NEXMIF: variants seen among roughly 807,000 people sequenced by gnomAD.
NEXMIF encodes the protein neurite extension and migration factor.
A neutral mutation model predicts 62.1 loss-of-function variants in NEXMIF; 8 were observed. The ratio of observed to expected loss-of-function variants is 0.13; its 90% confidence interval spans 0.08 to 0.23. NEXMIF has a LOEUF of 0.23. Ranked by LOEUF, NEXMIF falls within the 10% of genes least tolerant of loss-of-function variation. The pLI is 1.00. For missense variants in NEXMIF, 976 were observed against 1,113.3 expected (o/e 0.88, Z 1.75); for synonymous variants, 404 against 416.6 (o/e 0.97, Z 0.37).
At chrX:74,867,940 A>C (rs754223787) in intron 1 of NEXMIF, among the ~76,000 whole-genome samples, 2 of 112,214 alleles carry the variant, frequency 1.8e-5, no homozygotes, top group Non-Finnish European at 3.8e-5. Flanking sequence ...ATTTATAAGA[A>C]ACAGAAAATC....
intron 1 of NEXMIF, among the ~76,000 whole-genome samples, chrX:74,751,873 G>A (rs1164397119): frequency 2.2e-5 from 2 of 91,826 alleles, no homozygotes; most frequent in Non-Finnish European, 4.1e-5. Flanking sequence ...CCAGAGTCTC[G>A]CTCTATCCCC....
intron 1 of NEXMIF, among the ~76,000 whole-genome samples, chrX:74,815,055 T>C (rs1420205203): frequency 8.9e-6 from 1 of 112,527 alleles, no homozygotes; most frequent in African/African-American, 3.2e-5. Context: ...TTAATACATA[T>C]TCTTCATAAC....
chrX:74,791,684 C>G (rs1301116441), intron 1 of NEXMIF, among the ~76,000 whole-genome samples: 4 of 110,280 alleles, frequency 3.6e-5, no homozygotes, highest in Non-Finnish European at 5.7e-5. Flanking sequence ...AGAGATTCAA[C>G]TTCTTCCTGG....
At chrX:74,752,936 T>C (rs1384182872) in intron 1 of NEXMIF, among the ~76,000 whole-genome samples, 2 of 111,679 alleles carry the variant, frequency 1.8e-5, no homozygotes, top group Non-Finnish European at 3.8e-5. Context: ...ATGGGCAGTA[T>C]AATGGTATAT....
intron 1 of NEXMIF, among the ~76,000 whole-genome samples, chrX:74,878,024 G>A (rs1355915585): frequency 1.8e-5 from 2 of 112,141 alleles, no homozygotes; most frequent in Non-Finnish European, 3.8e-5. Flanking sequence ...TTATTCCATT[G>A]CTGGTGAGGA....
At chrX:74,852,237 T>C (rs934884468) in intron 1 of NEXMIF, among the ~76,000 whole-genome samples, 1 of 111,868 alleles carries the variant, frequency 8.9e-6, no homozygotes, top group African/African-American at 3.2e-5. Flanking sequence ...CAATATATAA[T>C]GATACAGAGA....
chrX:74,847,443 T>C (rs2080495891), intron 1 of NEXMIF, among the ~76,000 whole-genome samples: 1 of 112,137 alleles, frequency 8.9e-6, no homozygotes, highest in Admixed American at 9.5e-5. Context: ...CCAAATGACA[T>C]AGCTGCTCCA....
rs2080720039 is a variant in NEXMIF, at chrX:74,892,210, GA to G, written c.-48+32672del. 3.6e-5 allele frequency among the ~76,000 whole-genome samples: 4 copies of G among 112,169 alleles called. No homozygotes were observed. The South Asian group carries it at 1.1e-3, about 31-fold the overall frequency. ...ATTCTCAATTCAAAGCCTCAATGCA[GA>G]GGGACAAAAGCTAAACACAAGATGG... On this transcript the variant is annotated intron_variant, in intron 1 of 3. Coordinates refer to ENST00000055682, the MANE Select transcript of NEXMIF (RefSeq NM_001008537.3).
intron 1 of NEXMIF, among the ~76,000 whole-genome samples, chrX:74,811,310 A>G (rs1023256680): frequency 4.5e-5 from 5 of 111,579 alleles, no homozygotes; most frequent in Admixed American, 9.5e-5. Flanking sequence ...TCATCTCCAA[A>G]TATGACTTCC....
chrX:74,886,303 A>G (rs1251391269), intron 1 of NEXMIF, among the ~76,000 whole-genome samples: 2 of 111,742 alleles, frequency 1.8e-5, no homozygotes, highest in Non-Finnish European at 3.8e-5. Flanking sequence ...GGCTAGGGCA[A>G]TGAGGCAGGA....
chrX:74,809,948 T>A (rs2080355676), intron 1 of NEXMIF, among the ~76,000 whole-genome samples: 1 of 111,952 alleles, frequency 8.9e-6, no homozygotes, highest in South Asian at 3.7e-4. Context: ...AGGACCGTTA[T>A]TAGTACAACT....
At chrX:74,748,823 G>A (rs749949948) in intron 1 of NEXMIF, among the ~76,000 whole-genome samples, 1 of 111,582 alleles carries the variant, frequency 9.0e-6, no homozygotes, top group East Asian at 2.8e-4. Flanking sequence ...ACCAACATTT[G>A]TGTTGAGGAT....
intron 1 of NEXMIF, among the ~76,000 whole-genome samples, chrX:74,892,682 T>C (rs1602269621): frequency 8.9e-6 from 1 of 112,367 alleles, no homozygotes; most frequent in East Asian, 2.8e-4. Context: ...CTCATTTGAA[T>C]GACACTATTT....
intron 1 of NEXMIF, among the ~76,000 whole-genome samples, chrX:74,779,280 C>T (rs989440237): frequency 1.8e-5 from 2 of 111,851 alleles, no homozygotes; most frequent in Non-Finnish European, 1.9e-5. Flanking sequence ...GTTCTCTTTT[C>T]TTTGGCCATA....
At chrX:74,739,737 C>A (rs2080095718) in intron 3 of NEXMIF, among the ~76,000 whole-genome samples, 1 of 110,396 alleles carries the variant, frequency 9.1e-6, no homozygotes, top group Non-Finnish European at 1.9e-5. Flanking sequence ...CTTTTAAATT[C>A]TATTTTTCAA....
intron 1 of NEXMIF, among the ~76,000 whole-genome samples, chrX:74,754,812 C>T (rs150507571): frequency 9.0e-6 from 1 of 111,192 alleles, no homozygotes; most frequent in Non-Finnish European, 1.9e-5. Flanking sequence ...TAGGTAAGTA[C>T]ACAAGAATAA....
intron 1 of NEXMIF, among the ~76,000 whole-genome samples, chrX:74,857,344 C>G (rs1279697909): frequency 8.9e-6 from 1 of 112,316 alleles, no homozygotes; most frequent in Non-Finnish European, 1.9e-5. Flanking sequence ...GAATAGGGCA[C>G]TGGTCAGAGT....
intron 1 of NEXMIF, among the ~76,000 whole-genome samples, chrX:74,866,149 G>T (rs1174735041): frequency 8.9e-6 from 1 of 111,951 alleles, no homozygotes; most frequent in African/African-American, 3.2e-5. Context: ...GGGGCTATAT[G>T]CTTCCAAGCC....
intron 1 of NEXMIF, among the ~76,000 whole-genome samples, chrX:74,842,006 G>A (rs1167150731): frequency 9.0e-6 from 1 of 111,662 alleles, no homozygotes; most frequent in Non-Finnish European, 1.9e-5. Context: ...GATGAGTTGG[G>A]GAGGAGATCT....
Sources: gnomAD v4.1 joint callset for allele counts (sites outside exome capture counted in the v4.1 genomes callset) on GRCh38, gnomAD v4.1.1 for gene constraint, MANE v1.5 for transcripts, NCBI Gene and HGNC (gene_info 2026-07-23, HGNC 2026-07-21) for gene names.